The following C4orf50 variants were observed in gnomAD, a reference collection of about 807,000 sequenced individuals.
The protein encoded by C4orf50 is uncharacterized protein C4orf50.
Under a neutral mutation model 77.2 loss-of-function variants are expected in C4orf50, and 80 were observed. The observed-to-expected ratio is 1.04, with a 90% confidence interval of 0.87 to 1.25. The LOEUF (loss-of-function observed/expected upper bound fraction) is 1.25, where lower values mean the gene tolerates loss of function less well. C4orf50 is among the 50% of genes most tolerant of loss of function. The pLI is 0.00. For missense variants in C4orf50, 1,257 were observed against 1,152.9 expected (o/e 1.09, Z -1.31); for synonymous variants, 532 against 465.3 (o/e 1.14, Z -1.84).
chr4:5,945,014 G>A lies in C4orf50; in HGVS notation c.*2474+11887C>T, dbSNP rs769073758. Among the ~76,000 whole-genome samples the A allele has an allele frequency of 1.3e-4, 20 of 152,058 alleles. No individual in the cohort carries two copies. The East Asian group carries it at 1.7e-3, about 13-fold the overall frequency. ...GGTCTTGTAGCTGGTAAGTGGCATG[G>A]TTGGAATTCACACCAAGGCTCCACG... is the stretch of plus-strand genomic sequence containing the variant. On this transcript the variant is annotated intron_variant, in intron 7 of 7. Transcript: ENST00000324058.
intron 29 of C4orf50, among the ~76,000 whole-genome samples, chr4:5,977,247 T>C (rs1194371013): frequency 1.3e-5 from 2 of 152,160 alleles, no homozygotes; most frequent in Admixed American, 6.5e-5. Flanking sequence ...ACCCATAAGA[T>C]ACAACAAAAC....
exon 28 of C4orf50, chr4:5,989,644 A>G (rs1446810515): frequency 1.3e-6 from 2 of 1,535,974 alleles, no homozygotes. Context: ...ATCGATTGTG[A>G]GTGCACACCT....
chr4:5,902,225 A>G (rs1450785649), intron 7 of C4orf50: 1 of 152,198 alleles, frequency 6.6e-6, no homozygotes, highest in African/African-American at 2.4e-5. Context: ...TCTGCTGGGG[A>G]AGGCAAGGAA....
At chr4:6,006,216 A>C (rs974948246) in intron 25 of C4orf50, among the ~76,000 whole-genome samples, 2 of 152,222 alleles carry the variant, frequency 1.3e-5, no homozygotes, top group East Asian at 3.8e-4. Context: ...CAGATCATTT[A>C]AGGTTCCAGG....
At chr4:5,959,540 C>G in exon 34 of C4orf50, 11 of 1,614,194 alleles carry the variant, frequency 6.8e-6, no homozygotes, top group Non-Finnish European at 9.3e-6. Flanking sequence ...CTTTTTCTTG[C>G]AGACGTTGTG....
intron 7 of C4orf50, among the ~76,000 whole-genome samples, chr4:5,949,343 G>C (rs1718624397): frequency 6.6e-6 from 1 of 152,214 alleles, no homozygotes; most frequent in South Asian, 2.1e-4. Flanking sequence ...TCCAGACAAG[G>C]GAAGATTATT....
chr4:5,917,446 G>A (rs1165172744), intron 7 of C4orf50, among the ~76,000 whole-genome samples: 5 of 115,754 alleles, frequency 4.3e-5, no homozygotes, highest in Admixed American at 2.6e-4. Context: ...ATGGAGTCTC[G>A]CTCTGTCACT....
intron 7 of C4orf50, among the ~76,000 whole-genome samples, chr4:5,934,495 T>C (rs572688884): frequency 6.6e-6 from 1 of 152,266 alleles, no homozygotes; most frequent in East Asian, 1.9e-4. Context: ...TCCTCTGCCG[T>C]CTGGCCCCTG....
chr4:5,976,076 A>T, intron 29 of C4orf50, 121 bp from the exon 8 acceptor site: 1 of 742,444 alleles, frequency 1.3e-6, no homozygotes. Flanking sequence ...CCTCATGGGG[A>T]CTCAGTGCCA....
In C4orf50 at chr4:5,905,112, T is replaced by A. The variant is rs1248491824; in HGVS notation, c.*2475-6924A>T. The A allele has an allele frequency of 6.6e-6, 1 of 152,116 alleles. No homozygotes were observed. The highest frequency in any genetic ancestry group is 6.6e-5 in the Admixed American group (1 of 15,262). 9.4% of individuals were successfully genotyped at this position (152,116 alleles called of 1,614,324 possible). A position where few individuals can be genotyped will look rare whatever the true frequency, so the allele number is the denominator to read the frequency against. On this transcript the variant is annotated intron_variant, in intron 7 of 7. Coordinates refer to the C4orf50 transcript ENST00000324058. This position sits in a 1 kb window ranked among gnomAD's most constrained non-coding sequence, Gnocchi z 5.4. ...ACCCTCAAACAGACGAAGAAGAGGA[T>A]GTTGGAAGAAGGTAAGTTATTTGTG...
At chr4:5,936,562 CAAAA>C (rs374200584) in intron 7 of C4orf50, among the ~76,000 whole-genome samples, 1 of 75,428 alleles carries the variant, frequency 1.3e-5, no homozygotes, top group Non-Finnish European at 2.3e-5. Context: ...GACGCCATCT[CAAAA>C]AAAAAAAAAA....
chr4:6,007,992 T>C lies in C4orf50; in HGVS notation c.963+4A>G, dbSNP rs1722314527. ...CATTCCTACCCTGAGTTCCCGCCACTTACCAGGCTGCAGTGACCAATAGGG... is the reference window on the plus strand; with the variant it reads ...CATTCCTACCCTGAGTTCCCGCCACCTACCAGGCTGCAGTGACCAATAGGG... On this transcript the variant is annotated splice_donor_region_variant and intron_variant, in intron 25 of 33. Coordinates refer to ENST00000531445, the Ensembl canonical transcript of C4orf50. This position sits in a 1 kb window ranked among gnomAD's most constrained non-coding sequence, Gnocchi z 4.1. 1 of 399,114 alleles carries C rather than the reference T, an allele frequency of 2.5e-6. No homozygotes were observed. 24.7% of individuals were successfully genotyped at this position (399,114 alleles called of 1,614,324 possible).
intron 7 of C4orf50, among the ~76,000 whole-genome samples, chr4:5,917,446 G>T (rs1165172744): frequency 1.7e-5 from 2 of 115,678 alleles, no homozygotes; most frequent in African/African-American, 3.2e-5. Context: ...ATGGAGTCTC[G>T]CTCTGTCACT....
chr4:6,018,536 A>G lies in C4orf50; in HGVS notation c.-105T>C, dbSNP rs1434657062. ...TGGTGTTTGTGACTTCAGATTGTTC[A>G]GGAAAATATCCTTTGAGAAGGGCAA... is the stretch of plus-strand genomic sequence containing the variant. On this transcript the variant is annotated 5_prime_UTR_variant, in exon 23 of 34. Coordinates refer to ENST00000531445, the Ensembl canonical transcript of C4orf50. The surrounding 1 kb of genome is among the most constrained non-coding windows in gnomAD (Gnocchi z 5.1). 7 of 397,722 alleles carry G rather than the reference A, an allele frequency of 1.8e-5. No homozygotes were observed. The highest frequency in any genetic ancestry group is 3.1e-5 in the Non-Finnish European group (7 of 225,996). 24.6% of individuals were successfully genotyped at this position (397,722 alleles called of 1,614,324 possible). A position where few individuals can be genotyped will look rare whatever the true frequency, so the allele number is the denominator to read the frequency against.
intron 7 of C4orf50, among the ~76,000 whole-genome samples, chr4:5,926,708 C>T (rs1172263563): frequency 2.0e-5 from 3 of 151,958 alleles, no homozygotes; most frequent in Non-Finnish European, 2.9e-5. Flanking sequence ...AAATGACAAG[C>T]GCAATAAAGT....
chr4:5,959,102 C>T (rs1719128514), exon 34 of C4orf50: 3 of 417,934 alleles, frequency 7.2e-6, no homozygotes, highest in Non-Finnish European at 1.3e-5. Context: ...AGTTGAGAAC[C>T]TCTGGACCAA....
rs2108810230 is a variant in C4orf50 at position 6,008,750 on chromosome 4, A to G, written c.427-218T>C. On this transcript the variant is annotated intron_variant, in intron 24 of 33. Transcript: ENST00000531445. This position sits in a 1 kb window ranked among gnomAD's most constrained non-coding sequence, Gnocchi z 6.0. ...GTGTCTCCCTCACTTCATCCACCCT[A>G]GTCTGGGCCCTGCACCTTCAACAGC... 6.6e-6 allele frequency among the ~76,000 whole-genome samples: 1 copy of G among 152,254 alleles called. No homozygotes were observed. Among genetic ancestry groups the G allele is most frequent in the South Asian group, 2.1e-4 (1 of 4,822 alleles).
chr4:5,917,047 A>G (rs1354911129), intron 7 of C4orf50, among the ~76,000 whole-genome samples: 1 of 152,240 alleles, frequency 6.6e-6, no homozygotes, highest in East Asian at 1.9e-4. Context: ...AAGTGGATCC[A>G]AGATTTCCAG....
At chr4:5,952,435 C>T (rs921796757), downstream of C4orf50, among the ~76,000 whole-genome samples, 1 of 152,166 alleles carries the variant, frequency 6.6e-6, no homozygotes, top group Non-Finnish European at 1.5e-5. This position sits in a 1 kb window ranked among gnomAD's most constrained non-coding sequence, Gnocchi z 4.4. Flanking sequence ...ACCTCCAGGG[C>T]GAGGGAGCAG....
Sources: allele counts gnomAD v4.1 joint callset (sites outside exome capture counted in the v4.1 genomes callset), GRCh38; gene constraint gnomAD v4.1.1; non-coding constraint Gnocchi (gnomAD v3.1); transcripts MANE v1.5; gene names NCBI Gene and HGNC (gene_info 2026-07-23, HGNC 2026-07-21).